PCM1: variants seen among roughly 807,000 people sequenced by gnomAD.
PCM1 encodes the protein pericentriolar material 1 protein.
Under a neutral mutation model 241.9 loss-of-function variants are expected in PCM1, and 157 were observed. The ratio of observed to expected loss-of-function variants is 0.65; its 90% CI spans 0.57 to 0.74. The LOEUF (loss-of-function observed/expected upper bound fraction) is 0.74, where lower values mean the gene tolerates loss of function less well. Ranked by LOEUF, PCM1 falls within the 30% of genes least tolerant of loss-of-function variation. The pLI, the probability that PCM1 is intolerant of heterozygous loss-of-function variation, is 0.00. For missense variants in PCM1, 3,478 were observed against 2,360.1 expected, an observed-to-expected ratio of 1.47 and a Z score of -9.81; for synonymous variants, 1,085 against 784.9, an observed-to-expected ratio of 1.38 and a Z score of -6.39.
Position 17,966,448 on chromosome 8 carries a change from A to T in PCM1, c.3196A>T (p.Thr1066Ser). 6.2e-7 allele frequency: 1 copy of T among 1,613,818 alleles called. No individual in the cohort carries two copies. The highest frequency in any genetic ancestry group is 1.7e-5 in the Admixed American group (1 of 60,020). ...GTTGAACCAGTGCTATACTCAGCTAACATGGCAACAGAATAATGTTCAGAG... is the reference window on the plus strand; with the variant it reads ...GTTGAACCAGTGCTATACTCAGCTATCATGGCAACAGAATAATGTTCAGAG... ...HQLNQCYTQLTWQQNNVQRLK... is the reference protein window; with the variant it reads ...HQLNQCYTQLSWQQNNVQRLK... The change falls in exon 20 of 39, where the codon ACA becomes TCA. Residue 1066 changes from threonine to serine, a missense_variant. Physicochemically the swap from Thr to Ser is moderately conservative, Grantham distance 58. Transcript: ENST00000325083.
chr8:17,938,619 A>T, intron 4 of PCM1, 121 bp from the exon 5 acceptor site: 1 of 670,250 alleles, frequency 1.5e-6, no homozygotes, highest in Non-Finnish European at 2.6e-6. Context: ...TCTTAGTGCA[A>T]AGCTCTTTGT....
chr8:17,957,243 A>C, intron 11 of PCM1, 21 bp from the exon 12 acceptor site: 1 of 1,564,048 alleles, frequency 6.4e-7, no homozygotes, highest in Middle Eastern at 1.7e-4. Context: ...AAATGACTTC[A>C]GGCTGTTTTC....
chr8:17,997,797 G>A (rs997173165), intron 29 of PCM1, among the ~76,000 whole-genome samples: 4 of 151,568 alleles, frequency 2.6e-5, no homozygotes, highest in South Asian at 2.1e-4. Flanking sequence ...AGGCTGGGGC[G>A]GGTGATCACT....
intron 36 of PCM1, among the ~76,000 whole-genome samples, chr8:18,024,453 C>G (rs796572327): frequency 5.3e-5 from 8 of 152,268 alleles, no homozygotes; most frequent in African/African-American, 1.7e-4. Context: ...AACGTTAGTA[C>G]AAAGAGTAAC....
chr8:17,960,062 G>A lies in PCM1; in HGVS notation c.2089G>A (p.Asp697Asn), dbSNP rs558115555. Residue 697 changes from aspartate (D) to asparagine (N), a missense_variant, in exon 14 of 39, where the codon GAT becomes AAT. Coordinates refer to ENST00000325083, the MANE Select transcript of PCM1 (RefSeq NM_006197.4). ...TATCTCTGCCAGTGCATCAAATTTG[G>A]ATGATTTCTACCCAGCAGAAGAAGA... The part of the protein sequence containing the change: ...GVISASASNL[D>N]DFYPAEEDTK... The A allele has an allele frequency of 9.3e-6, 15 of 1,612,358 alleles. No individual in the cohort carries two copies. In the East Asian group the frequency reaches 2.9e-4, roughly 31 times the overall value.
At chr8:18,027,273 T>TGTCA (rs10690230) in intron 38 of PCM1, among the ~76,000 whole-genome samples, 70,522 of 151,756 alleles carry the variant, frequency 0.46, 18,323 homozygotes, top group Non-Finnish European at 0.61. Context: ...CTTCCTCCAC[T>TGTCA]GTCATTGGGT....
intron 38 of PCM1, among the ~76,000 whole-genome samples, chr8:18,026,598 G>C (rs1422911069): frequency 6.6e-6 from 1 of 151,832 alleles, no homozygotes; most frequent in East Asian, 1.9e-4. Context: ...AGTTCTTTAG[G>C]AGACTATAAC....
At chr8:17,953,230 G>A (rs777436296) in intron 9 of PCM1, 44 bp downstream of exon 9, 2 of 918,272 alleles carry the variant, frequency 2.2e-6, no homozygotes, top group South Asian at 1.8e-5. Flanking sequence ...AGACACACAA[G>A]TATATATACT....
chr8:17,929,663 CTTCT>C (rs2058337888), intron 2 of PCM1, among the ~76,000 whole-genome samples: 1 of 152,184 alleles, frequency 6.6e-6, no homozygotes, highest in Non-Finnish European at 1.5e-5. Flanking sequence ...AACTCTTCTG[CTTCT>C]TTATCGCCCG....
chr8:17,925,874 C>G (rs981039250), intron 2 of PCM1: 1 of 152,130 alleles, frequency 6.6e-6, no homozygotes, highest in Non-Finnish European at 1.5e-5. Flanking sequence ...AATATATATT[C>G]TTGCTTTCTA....
intron 22 of PCM1, among the ~76,000 whole-genome samples, chr8:17,971,450 G>T (rs1407952831): frequency 2.6e-5 from 4 of 152,152 alleles, no homozygotes; most frequent in Admixed American, 2.6e-4. Flanking sequence ...TGTTTTATGT[G>T]TTTTCTCCCC....
intron 29 of PCM1, among the ~76,000 whole-genome samples, chr8:18,000,983 C>T (rs1003182062): frequency 2.0e-5 from 3 of 152,178 alleles, no homozygotes; most frequent in Admixed American, 1.3e-4. Context: ...CATTTGGTTA[C>T]TCAGCTAATT....
chr8:17,947,357 G>C lies in PCM1; in HGVS notation c.955G>C (p.Asp319His). 2 of 1,586,376 alleles carry C rather than the reference G, an allele frequency of 1.3e-6. No individual in the cohort carries two copies. ...AGAGCAAGCTATTGCAGTGATGGAT[G>C]ATTCTGGTATGTCACAGTCTGAGAA... is the stretch of plus-strand genomic sequence containing the variant. ...KAEQAIAVMD[D>H]SVVAETAGSL... The change falls in exon 7 of 39, where the codon GAT becomes CAT. Residue 319 changes from aspartate (D) to histidine (H), a missense_variant. Physicochemically the swap from Asp to His is moderately conservative, Grantham distance 81. Transcript: ENST00000325083.
rs183386492 is a variant in PCM1, at chr8:17,953,530, T to C, written c.1288+344T>C. ...TTCAAAATTTTCCCTTAAAGAAAAGTTAATCCAGTTAGTACTTTGATTTAA... is the reference window on the plus strand; with the variant it reads ...TTCAAAATTTTCCCTTAAAGAAAAGCTAATCCAGTTAGTACTTTGATTTAA... On this transcript the variant is annotated intron_variant, in intron 9 of 38. Coordinates refer to ENST00000325083, the MANE Select transcript of PCM1 (RefSeq NM_006197.4). Among the ~76,000 whole-genome samples, 3 of 152,298 alleles carry C rather than the reference T, an allele frequency of 2.0e-5. No individual in the cohort carries two copies. In the East Asian group the frequency reaches 5.8e-4, roughly 29 times the overall value.
intron 36 of PCM1, among the ~76,000 whole-genome samples, chr8:18,015,133 T>C (rs62498200): frequency 0.011 from 1,703 of 152,278 alleles, 11 homozygotes; most frequent in Non-Finnish European, 0.018. Flanking sequence ...TTATCCTTTA[T>C]ACTACCTATT....
intron 23 of PCM1, among the ~76,000 whole-genome samples, chr8:17,973,623 A>C (rs2077609832): frequency 6.6e-6 from 1 of 151,982 alleles, no homozygotes; most frequent in African/African-American, 2.4e-5. Flanking sequence ...AGGCTGAGAC[A>C]CAAGAATCGC....
intron 2 of PCM1, among the ~76,000 whole-genome samples, chr8:17,930,058 G>A (rs1362593289): frequency 6.6e-6 from 1 of 150,850 alleles, no homozygotes; most frequent in East Asian, 2.0e-4. Flanking sequence ...TGCTTGAATT[G>A]GTATTCTGTA....
rs781721893 is a variant in PCM1 at position 17,939,691 on chromosome 8, A to C, written c.613A>C (p.Ile205Leu). The C allele has an allele frequency of 6.6e-7, 1 of 1,505,300 alleles. No individual in the cohort carries two copies. Among genetic ancestry groups the C allele is most frequent in the East Asian group, 2.4e-5 (1 of 41,150 alleles). The allele number at this position is 1,505,300 out of a possible 1,614,324, so 93.2% of individuals were successfully genotyped here. A position where few individuals can be genotyped will look rare whatever the true frequency, so the allele number is the denominator to read the frequency against. Reference protein sequence around the residue: ...RGEPAMESSQIVSRLVQIRDY... With the variant: ...RGEPAMESSQLVSRLVQIRDY... ...TTTAAAAAAAATATTTCCCCTGCAG[A>C]TTGTAAGCAGGCTTGTTCAAATTCG... The change falls in exon 6 of 39, where the codon ATT becomes CTT. Residue 205 changes from isoleucine (I) to leucine (L), a missense_variant and splice_region_variant. Transcript: ENST00000325083.
At chr8:17,944,771 C>T (rs569989443) in intron 6 of PCM1, among the ~76,000 whole-genome samples, 164 of 152,082 alleles carry the variant, frequency 1.1e-3, no homozygotes, top group African/African-American at 3.9e-3. Context: ...TTTTTTTGAG[C>T]ATCAGTCTGA....
Sources: allele counts gnomAD v4.1 joint callset (sites outside exome capture counted in the v4.1 genomes callset), GRCh38; gene constraint gnomAD v4.1.1; transcripts MANE v1.5; gene names NCBI Gene and HGNC (gene_info 2026-07-23, HGNC 2026-07-21).